Variants in TBC1D22A observed in about 807,000 individuals in gnomAD.
TBC1D22A encodes TBC1 domain family member 22A.
Under a neutral mutation model 60.2 loss-of-function variants are expected in TBC1D22A, and 38 were observed. That is an observed-to-expected ratio of 0.63 (90% CI 0.49 to 0.83). The LOEUF (loss-of-function observed/expected upper bound fraction) is 0.83. Ranked by LOEUF, TBC1D22A falls within the 40% of genes least tolerant of loss-of-function variation. The pLI, the probability that TBC1D22A is intolerant of heterozygous loss-of-function variation, is 0.00. For missense variants in TBC1D22A, 628 were observed against 701.0 expected, an observed-to-expected ratio of 0.90 and a Z score of 1.18; for synonymous variants, 302 against 281.7, an observed-to-expected ratio of 1.07 and a Z score of -0.72.
intron 11 of TBC1D22A, among the ~76,000 whole-genome samples, chr22:47,099,878 AG>A (rs2065341431): frequency 6.6e-6 from 1 of 152,122 alleles, no homozygotes; most frequent in African/African-American, 2.4e-5. Flanking sequence ...TCTCGTCTAT[AG>A]AGAGAGGTGC....
At chr22:46,798,742 C>T (rs2084766476) in intron 4 of TBC1D22A, among the ~76,000 whole-genome samples, 1 of 152,228 alleles carries the variant, frequency 6.6e-6, no homozygotes, top group Admixed American at 6.5e-5. Context: ...CTGTGGCACT[C>T]TAAGAGCCAG....
At chr22:46,985,768 C>A (rs983704087) in intron 9 of TBC1D22A, among the ~76,000 whole-genome samples, 2 of 152,226 alleles carry the variant, frequency 1.3e-5, no homozygotes, top group Non-Finnish European at 2.9e-5. Flanking sequence ...GGCTGTTCCA[C>A]GTCAGAATGC....
intron 5 of TBC1D22A, among the ~76,000 whole-genome samples, chr22:46,882,159 C>T (rs548264453): frequency 3.9e-5 from 6 of 152,200 alleles, no homozygotes; most frequent in Admixed American, 1.3e-4. Context: ...TCCTGGTGTC[C>T]GGGCCCACGA....
intron 12 of TBC1D22A, among the ~76,000 whole-genome samples, chr22:47,170,819 GGGC>G (rs1347555809): frequency 3.0e-4 from 35 of 115,494 alleles, no homozygotes; most frequent in Non-Finnish European, 4.2e-4. Flanking sequence ...ACCGGAGAGA[GGGC>G]AGTCCTGGTG....
intron 8 of TBC1D22A, among the ~76,000 whole-genome samples, chr22:46,927,328 A>G (rs538736831): frequency 1.3e-4 from 20 of 152,380 alleles, no homozygotes; most frequent in African/African-American, 4.8e-4. Flanking sequence ...AATACACTGT[A>G]TTAACAGAAT....
chr22:47,157,680 G>A (rs1256829368), intron 12 of TBC1D22A, among the ~76,000 whole-genome samples: 1 of 152,196 alleles, frequency 6.6e-6, no homozygotes, highest in Non-Finnish European at 1.5e-5. Flanking sequence ...TCCACAGCTC[G>A]CTGACCCTCG....
At chr22:46,901,847 T>C (rs572623569) in intron 7 of TBC1D22A, among the ~76,000 whole-genome samples, 55 of 152,354 alleles carry the variant, frequency 3.6e-4, no homozygotes, top group African/African-American at 1.3e-3. Flanking sequence ...ATTTTGCTCC[T>C]CTCCCAGAAA....
At chr22:47,106,473 GAT>G (rs1424718214) in intron 11 of TBC1D22A, among the ~76,000 whole-genome samples, 1 of 152,206 alleles carries the variant, frequency 6.6e-6, no homozygotes, top group Non-Finnish European at 1.5e-5. Flanking sequence ...GAGGCTAGAA[GAT>G]GATAGAGTAT....
intron 1 of TBC1D22A, among the ~76,000 whole-genome samples, chr22:46,787,932 C>CTT (rs547496103): frequency 6.3e-4 from 67 of 107,092 alleles, no homozygotes; most frequent in African/African-American, 1.6e-3. Context: ...GGGCAGGCTA[C>CTT]TTTTTTTTTT....
chr22:47,132,477 C>T (rs1382132655), intron 12 of TBC1D22A, among the ~76,000 whole-genome samples: 1 of 152,030 alleles, frequency 6.6e-6, no homozygotes, highest in African/African-American at 2.4e-5. Flanking sequence ...CCGCTGCTAC[C>T]TGGCTGCTTA....
intron 11 of TBC1D22A, among the ~76,000 whole-genome samples, chr22:47,084,091 A>AT (rs1427734016): frequency 4.6e-5 from 7 of 152,254 alleles, no homozygotes; most frequent in African/African-American, 1.7e-4. Flanking sequence ...ATTCTCTACG[A>AT]TCCAGGTATT....
intron 12 of TBC1D22A, among the ~76,000 whole-genome samples, chr22:47,158,105 G>A (rs919150462): frequency 2.6e-5 from 4 of 152,176 alleles, no homozygotes; most frequent in East Asian, 1.9e-4. Flanking sequence ...CTTCCAGGAC[G>A]CCGCAGCTCC....
At position 47,049,314 on chromosome 22, in the gene TBC1D22A, G is replaced by A. The variant is rs1281517769; in HGVS notation, c.1329+12116G>A. Among the ~76,000 whole-genome samples, 6 of 152,230 alleles carry A rather than the reference G, an allele frequency of 3.9e-5. No homozygotes were observed. In the South Asian group the frequency reaches 8.3e-4, roughly 21 times the overall value. On this transcript the variant is annotated intron_variant, in intron 11 of 12. Coordinates refer to ENST00000337137, the MANE Select transcript of TBC1D22A (RefSeq NM_014346.5). ...CTTGGTACTTAATGGTTGAGCATGC[G>A]GAAGTGTGGGAAAGAAGAAGCGGGC...
At position 47,060,317 on chromosome 22, in the gene TBC1D22A, C is replaced by T. The variant is rs2063528018; in HGVS notation, c.1329+23119C>T. On this transcript the variant is annotated intron_variant, in intron 11 of 12. Coordinates refer to ENST00000337137, the MANE Select transcript of TBC1D22A (RefSeq NM_014346.5). ...AGTGCAATGGCATGATCTCGGCTCA[C>T]TGCAACCTCTGCCTCCTGGGTTCAA... 5.4e-5 allele frequency among the ~76,000 whole-genome samples: 8 copies of T among 149,376 alleles called. No homozygotes were observed. The Admixed American group carries it at 5.4e-4, about 10-fold the overall frequency.
At chr22:46,850,032 C>T (rs867456001) in intron 4 of TBC1D22A, among the ~76,000 whole-genome samples, 1 of 152,242 alleles carries the variant, frequency 6.6e-6, no homozygotes, top group African/African-American at 2.4e-5. Flanking sequence ...ACAGCTCCTG[C>T]ATTTGTGGAG....
chr22:46,856,207 G>C (rs1319490474), intron 4 of TBC1D22A, among the ~76,000 whole-genome samples: 1 of 152,236 alleles, frequency 6.6e-6, no homozygotes, highest in Non-Finnish European at 1.5e-5. Flanking sequence ...GTGGTGAAAA[G>C]CTGTCTTAGG....
chr22:47,151,415 G>A (rs1180899828), intron 12 of TBC1D22A, among the ~76,000 whole-genome samples: 1 of 152,180 alleles, frequency 6.6e-6, no homozygotes, highest in Admixed American at 6.5e-5. Flanking sequence ...TGAACAACTC[G>A]GGAAATTGAA....
chr22:47,153,415 A>G (rs2147180241), intron 12 of TBC1D22A, among the ~76,000 whole-genome samples: 1 of 152,152 alleles, frequency 6.6e-6, no homozygotes, highest in East Asian at 1.9e-4. Flanking sequence ...GGTACTTGGC[A>G]GCCCCTGCCA....
chr22:46,810,772 C>T (rs1309756944), intron 4 of TBC1D22A, among the ~76,000 whole-genome samples: 1 of 152,096 alleles, frequency 6.6e-6, no homozygotes, highest in Non-Finnish European at 1.5e-5. Flanking sequence ...AGTTCTTATT[C>T]TTAGAATCAA....
Sources: gnomAD v4.1 joint callset for allele counts (sites outside exome capture counted in the v4.1 genomes callset) on GRCh38, gnomAD v4.1.1 for gene constraint, MANE v1.5 for transcripts, NCBI Gene and HGNC (gene_info 2026-07-23, HGNC 2026-07-21) for gene names.